The following PTPRD variants were observed in gnomAD, a reference collection of about 807,000 sequenced individuals.
PTPRD encodes receptor-type tyrosine-protein phosphatase delta.
PTPRD carries 34 observed loss-of-function variants against 214.5 expected under a neutral mutation model. That is an observed-to-expected ratio of 0.16 (90% CI 0.12 to 0.21). PTPRD has a LOEUF of 0.21. PTPRD is among the 10% of genes least tolerant of loss of function. PTPRD has a pLI of 1.00. For missense variants in PTPRD, 2,545 were observed against 2,398.7 expected, an observed-to-expected ratio of 1.06 and a Z score of -1.27; for synonymous variants, 1,128 against 845.7, an observed-to-expected ratio of 1.33 and a Z score of -5.79.
chr9:10,011,819 T>C (rs955100124), intron 4 of PTPRD, among the ~76,000 whole-genome samples: 2 of 151,980 alleles, frequency 1.3e-5, no homozygotes, highest in Non-Finnish European at 2.9e-5. Context: ...ATCTTATCAG[T>C]CACCTCCTAA....
At chr9:9,312,931 T>C (rs1959858099) in intron 9 of PTPRD, among the ~76,000 whole-genome samples, 1 of 152,212 alleles carries the variant, frequency 6.6e-6, no homozygotes, top group African/African-American at 2.4e-5. Flanking sequence ...AAACATGTAT[T>C]CCTTGATTTA....
At chr9:8,657,208 C>A (rs2096928858) in intron 12 of PTPRD, among the ~76,000 whole-genome samples, 1 of 145,812 alleles carries the variant, frequency 6.9e-6, no homozygotes. Flanking sequence ...ACTCTTGCTG[C>A]CCAGGCTGGA....
intron 9 of PTPRD, among the ~76,000 whole-genome samples, chr9:9,206,684 T>C (rs1384462667): frequency 6.6e-6 from 1 of 152,200 alleles, no homozygotes; most frequent in African/African-American, 2.4e-5. Flanking sequence ...CTGTCTTTTG[T>C]GTTGGATGCT....
intron 9 of PTPRD, among the ~76,000 whole-genome samples, chr9:9,338,025 T>G (rs1291435272): frequency 6.6e-6 from 1 of 152,230 alleles, no homozygotes; most frequent in East Asian, 1.9e-4. Context: ...ACCTATGTAT[T>G]TATTCAGAAG....
intron 4 of PTPRD, among the ~76,000 whole-genome samples, chr9:10,017,528 T>A (rs1044517405): frequency 1.3e-5 from 2 of 152,120 alleles, no homozygotes; most frequent in African/African-American, 2.4e-5. Context: ...ATACAGATAT[T>A]TTATTTTTCA....
At chr9:10,291,523 A>G (rs1372044419) in intron 3 of PTPRD, among the ~76,000 whole-genome samples, 3 of 152,096 alleles carry the variant, frequency 2.0e-5, no homozygotes, top group African/African-American at 7.2e-5. Context: ...AGATTTTACC[A>G]TAGAGAGGAG....
At chr9:10,154,437 C>A (rs2099081119) in intron 3 of PTPRD, among the ~76,000 whole-genome samples, 1 of 151,958 alleles carries the variant, frequency 6.6e-6, no homozygotes, top group Non-Finnish European at 1.5e-5. Flanking sequence ...TGAATAGTTT[C>A]TTTTGTTGTG....
chr9:8,995,875 G>C, intron 11 of PTPRD, among the ~76,000 whole-genome samples: 1 of 152,042 alleles, frequency 6.6e-6, no homozygotes, highest in Non-Finnish European at 1.5e-5. Context: ...TACAGAAAAA[G>C]TTCAAAGAGC....
intron 8 of PTPRD, among the ~76,000 whole-genome samples, chr9:9,552,468 T>G (rs2080524684): frequency 6.6e-6 from 1 of 152,094 alleles, no homozygotes; most frequent in Non-Finnish European, 1.5e-5. Context: ...TTAAATAATT[T>G]TAACTTCCTA....
intron 3 of PTPRD, among the ~76,000 whole-genome samples, chr9:10,310,271 A>G (rs2096232372): frequency 6.6e-6 from 1 of 152,116 alleles, no homozygotes; most frequent in Non-Finnish European, 1.5e-5. Context: ...CCAGTAAAAG[A>G]AAAAGATTGT....
At chr9:8,525,659 AAAAC>A (rs2073912482) in intron 17 of PTPRD, among the ~76,000 whole-genome samples, 1 of 152,186 alleles carries the variant, frequency 6.6e-6, no homozygotes, top group South Asian at 2.1e-4. Flanking sequence ...CGTTTGCTGA[AAAAC>A]AAAGAGCAGT....
rs1822552891 is a variant in PTPRD, at chr9:8,317,212, A to G, written c.*662T>C. On this transcript the variant is annotated 3_prime_UTR_variant, in exon 46 of 46. Transcript: ENST00000381196. ...TCTACAGCAAGATATTACAGATAAC[A>G]GTTCTACAGCTTAAAAAAACCTACG... The G allele has an allele frequency of 8.6e-6, 2 of 231,752 alleles. No individual in the cohort carries two copies. The highest frequency in any genetic ancestry group is 6.1e-5 in the East Asian group (1 of 16,376). 14.4% of individuals were successfully genotyped at this position (231,752 alleles called of 1,614,324 possible). A position where few individuals can be genotyped will look rare whatever the true frequency, so the allele number is the denominator to read the frequency against.
intron 33 of PTPRD, among the ~76,000 whole-genome samples, chr9:8,453,446 G>T (rs1324679494): frequency 6.6e-6 from 1 of 152,134 alleles, no homozygotes; most frequent in Non-Finnish European, 1.5e-5. Flanking sequence ...TTACAGGCGT[G>T]AGCCACCATG....
intron 9 of PTPRD, among the ~76,000 whole-genome samples, chr9:9,261,680 G>A (rs1237972287): frequency 6.7e-6 from 1 of 149,954 alleles, no homozygotes. Flanking sequence ...GTGTGTTCAG[G>A]AGGGAGAGGG....
At chr9:9,101,218 A>G (rs2099790904) in intron 10 of PTPRD, among the ~76,000 whole-genome samples, 1 of 152,146 alleles carries the variant, frequency 6.6e-6, no homozygotes, top group Admixed American at 6.5e-5. Flanking sequence ...AATGCTCATT[A>G]TAGATATAAA....
intron 2 of PTPRD, among the ~76,000 whole-genome samples, chr9:10,468,827 G>C (rs897520246): frequency 4.6e-5 from 7 of 151,900 alleles, no homozygotes; most frequent in Non-Finnish European, 8.8e-5. Flanking sequence ...AAAAATGGTG[G>C]AATATTATCC....
rs373124077 is a variant in PTPRD, at chr9:9,419,932, T to A, written c.-236-22450A>T. On this transcript the variant is annotated intron_variant, in intron 8 of 45. Coordinates refer to ENST00000381196, the MANE Select transcript of PTPRD (RefSeq NM_002839.4). Reference sequence around the variant, plus strand: ...GAACAAAGTATAACATCAAAATACTTTTAATTATCTTTGATCCAGCACCGA... The same window carrying A: ...GAACAAAGTATAACATCAAAATACTATTAATTATCTTTGATCCAGCACCGA... Among the ~76,000 whole-genome samples, 18 of 151,784 alleles carry A rather than the reference T, an allele frequency of 1.2e-4. No individual in the cohort carries two copies. The South Asian group carries it at 1.9e-3, about 16-fold the overall frequency.
At chr9:8,818,462 G>C (rs1047852786) in intron 11 of PTPRD, among the ~76,000 whole-genome samples, 2 of 152,156 alleles carry the variant, frequency 1.3e-5, no homozygotes, top group African/African-American at 2.4e-5. Flanking sequence ...AGTGTCCTAA[G>C]AGCTTTCTTC....
At chr9:10,044,370 T>A (rs1025498063) in intron 3 of PTPRD, among the ~76,000 whole-genome samples, 5 of 151,792 alleles carry the variant, frequency 3.3e-5, no homozygotes, top group African/African-American at 1.2e-4. Context: ...AAGCCTTTGT[T>A]CTGATTTACT....
Sources: allele counts gnomAD v4.1 joint callset (sites outside exome capture counted in the v4.1 genomes callset), GRCh38; gene constraint gnomAD v4.1.1; transcripts MANE v1.5; gene names NCBI Gene and HGNC (gene_info 2026-07-23, HGNC 2026-07-21).